Variants in TUBGCP5 observed in about 807,000 individuals in gnomAD.
TUBGCP5 encodes the protein gamma-tubulin complex component 5.
In TUBGCP5, 98 loss-of-function variants were observed where a neutral mutation model predicts 134.7. The observed-to-expected ratio is 0.73, with a 90% CI of 0.62 to 0.86. The LOEUF is 0.86. TUBGCP5 is among the 40% of genes least tolerant of loss of function. The pLI is 0.00. For missense variants in TUBGCP5, 1,150 were observed against 1,244.8 expected (o/e 0.92, Z 1.15); for synonymous variants, 456 against 431.4 (o/e 1.06, Z -0.71).
intron 13 of TUBGCP5, among the ~76,000 whole-genome samples, chr15:23,016,263 C>A (rs1006074081): frequency 1.6e-4 from 25 of 152,148 alleles, no homozygotes; most frequent in Admixed American, 1.6e-3. Flanking sequence ...GAGGCCAAGG[C>A]GGGCAGATCA....
At chr15:22,997,115 T>C (rs2064121028), downstream of TUBGCP5, among the ~76,000 whole-genome samples, 2 of 152,174 alleles carry the variant, frequency 1.3e-5, no homozygotes, top group Admixed American at 6.5e-5. Context: ...TCTCTCCCAG[T>C]CTGTGGCCTG....
chr15:23,039,315 G>A lies in TUBGCP5; in HGVS notation c.146+83C>T, dbSNP rs548987780. 410 of 1,226,392 alleles carry A rather than the reference G, an allele frequency of 3.3e-4. 1 individual carries two copies. The African/African-American group carries it at 5.6e-3, about 17-fold the overall frequency. The allele number at this position is 1,226,392 out of a possible 1,614,324, so 76.0% of individuals were successfully genotyped here. On this transcript the variant is annotated intron_variant, in intron 1 of 22. Coordinates refer to ENST00000615383, the MANE Select transcript of TUBGCP5 (RefSeq NM_052903.6). ...CCTCCGCCCCATGCCCTGCCCCAGC[G>A]CGCCCCGACCCCGGGCTGTGCGGGA...
At chr15:23,016,969 G>GATATGTATAT (rs1555439436) in intron 13 of TUBGCP5, among the ~76,000 whole-genome samples, 17 of 109,426 alleles carry the variant, frequency 1.6e-4, no homozygotes, top group African/African-American at 6.1e-4. Context: ...AAAATTGTGA[G>GATATGTATAT]ATATATATAT....
At chr15:23,022,794 G>A (rs938013828) in intron 10 of TUBGCP5, among the ~76,000 whole-genome samples, 7 of 152,214 alleles carry the variant, frequency 4.6e-5, no homozygotes, top group Admixed American at 3.9e-4. Flanking sequence ...ACTGGGGGAA[G>A]CAAGGTCATG....
intron 21 of TUBGCP5, among the ~76,000 whole-genome samples, chr15:23,001,188 G>A (rs1296544060): frequency 6.6e-6 from 1 of 151,384 alleles, no homozygotes; most frequent in Non-Finnish European, 1.5e-5. Flanking sequence ...GATTACAGAT[G>A]CCCACCACCA....
chr15:22,996,056 C>T (rs1168804246), downstream of TUBGCP5, among the ~76,000 whole-genome samples: 1 of 152,216 alleles, frequency 6.6e-6, no homozygotes, highest in Non-Finnish European at 1.5e-5. Flanking sequence ...TAGCTTTTAG[C>T]TCTTATGAAT....
intron 13 of TUBGCP5, among the ~76,000 whole-genome samples, chr15:23,016,966 T>TGA: frequency 1.6e-5 from 1 of 60,762 alleles, no homozygotes; most frequent in South Asian, 5.4e-4. Flanking sequence ...AAAAAAATTG[T>TGA]GAGATATATA....
In TUBGCP5 at chr15:23,039,558, C is replaced by T. The variant is rs2066811109; in HGVS notation, c.-15G>A. The T allele has an allele frequency of 2.2e-6, 3 of 1,394,030 alleles. No individual in the cohort carries two copies. Among genetic ancestry groups the T allele is most frequent in the South Asian group, 1.6e-5 (1 of 61,588 alleles). 86.4% of individuals were successfully genotyped at this position (1,394,030 alleles called of 1,614,324 possible). A position where few individuals can be genotyped will look rare whatever the true frequency, so the allele number is the denominator to read the frequency against. The stretch of plus-strand genomic sequence containing the variant: ...TGCCGCGCCATGTTCCGCGCTCCTG[C>T]AGCGCGCGTCTAACGAATTGGTGCC... On this transcript the variant is annotated 5_prime_UTR_variant, in exon 1 of 23. Transcript: ENST00000615383.
chr15:22,996,090 G>C (rs1210630347), downstream of TUBGCP5, among the ~76,000 whole-genome samples: 7 of 152,280 alleles, frequency 4.6e-5, no homozygotes, highest in Non-Finnish European at 8.8e-5. Flanking sequence ...TCTCTGCGTG[G>C]ACGCATTTAA....
At chr15:23,017,254 G>C (rs1005155867) in intron 13 of TUBGCP5, among the ~76,000 whole-genome samples, 2 of 151,960 alleles carry the variant, frequency 1.3e-5, no homozygotes, top group Admixed American at 1.3e-4. Context: ...CTAGTGCTCT[G>C]TATCACTATG....
At chr15:23,020,194 G>A (rs1259337207) in intron 11 of TUBGCP5, among the ~76,000 whole-genome samples, 1 of 151,876 alleles carries the variant, frequency 6.6e-6, no homozygotes, top group East Asian at 1.9e-4. Flanking sequence ...GGATCAGGAG[G>A]TCAGGAGCTC....
Position 23,024,189 on chromosome 15 carries a change from C to T in TUBGCP5, c.926G>A (p.Cys309Tyr), listed in dbSNP as rs767865662. 1.4e-5 allele frequency: 22 copies of T among 1,613,280 alleles called. No homozygotes were observed. Among genetic ancestry groups the T allele is most frequent in the Non-Finnish European group, 1.8e-5 (21 of 1,179,570 alleles). Residue 309 changes from cysteine (C) to tyrosine (Y), a missense_variant, in exon 10 of 23, where the codon TGT (cysteine) becomes TAT (tyrosine). Physicochemically the swap from Cys to Tyr is radical, Grantham distance 194. Coordinates refer to ENST00000615383, the MANE Select transcript of TUBGCP5 (RefSeq NM_052903.6). ...TATTTGTTCCAGCACAGATCGTAAA[C>T]AGCTCTACAACACAAGCAAACTGCA... ...NIIVTHLTHSCLRSVLEQIAA... is the reference protein window; with the variant it reads ...NIIVTHLTHSYLRSVLEQIAA...
chr15:22,993,421 C>T (rs1298569049), intron 23 of TUBGCP5, among the ~76,000 whole-genome samples: 1 of 142,944 alleles, frequency 7.0e-6, no homozygotes, highest in African/African-American at 2.6e-5. Flanking sequence ...TATTTTGAGA[C>T]ATGAACTTAC....
At chr15:23,010,744 C>T (rs1056955594) in intron 14 of TUBGCP5, among the ~76,000 whole-genome samples, 13 of 151,938 alleles carry the variant, frequency 8.6e-5, no homozygotes, top group Non-Finnish European at 1.8e-4. Flanking sequence ...TTTGGGAGGC[C>T]GAGGTGGGCA....
chr15:23,034,070 C>T (rs1392916164), intron 3 of TUBGCP5, among the ~76,000 whole-genome samples: 1 of 152,192 alleles, frequency 6.6e-6, no homozygotes, highest in South Asian at 2.1e-4. Flanking sequence ...AATATCTGAA[C>T]TGGCAAATGT....
intron 6 of TUBGCP5, among the ~76,000 whole-genome samples, chr15:23,028,279 C>CT (rs1035114711): frequency 6.8e-6 from 1 of 147,704 alleles, no homozygotes; most frequent in Non-Finnish European, 1.5e-5. Context: ...TCTTAGGAGG[C>CT]TGAGGTGGGA....
intron 23 of TUBGCP5, among the ~76,000 whole-genome samples, chr15:22,988,626 C>G (rs190704478): frequency 6.6e-6 from 1 of 151,184 alleles, no homozygotes; most frequent in Admixed American, 6.6e-5. Context: ...GTCCCAGCTA[C>G]TCGGGAGGCT....
chr15:23,024,498 A>T (rs2065884031), intron 9 of TUBGCP5: 1 of 432,554 alleles, frequency 2.3e-6, no homozygotes, highest in Non-Finnish European at 4.0e-6. Context: ...AAAAGCAGAA[A>T]ATGCAAATTG....
intron 21 of TUBGCP5, 132 bp downstream of exon 21, chr15:23,002,933 C>T: frequency 1.4e-6 from 1 of 730,330 alleles, no homozygotes. Flanking sequence ...CCAGGCTAGT[C>T]TTGAACTCCT....
Sources: allele counts gnomAD v4.1 joint callset (sites outside exome capture counted in the v4.1 genomes callset), GRCh38; gene constraint gnomAD v4.1.1; transcripts MANE v1.5; gene names NCBI Gene and HGNC (gene_info 2026-07-23, HGNC 2026-07-21).